Variants in LBR observed in about 807,000 individuals in gnomAD.
LBR encodes the protein delta(14)-sterol reductase LBR.
A neutral mutation model predicts 74.3 loss-of-function variants in LBR; 28 were observed. That is an observed-to-expected ratio of 0.38 (90% confidence interval 0.28 to 0.52). LBR has a LOEUF of 0.52. LBR is among the 20% of genes least tolerant of loss of function. The probability of loss-of-function intolerance (pLI) is 0.89; values close to 1 mark genes in which losing one functional copy is unlikely to be tolerated. For synonymous variants in LBR, 228 were observed against 269.3 expected (o/e 0.85, Z 1.50); for missense variants, 717 against 760.3 (o/e 0.94, Z 0.67).
chr1:225,411,304 A>G (rs1167285317), intron 9 of LBR, 33 bp downstream of exon 9: 1 of 1,460,504 alleles, frequency 6.8e-7, no homozygotes, highest in East Asian at 2.3e-5. Flanking sequence ...GACCTATTGA[A>G]TTGAAATTTA....
At chr1:225,414,066 C>A (rs2096111951) in intron 7 of LBR, 1 of 456,626 alleles carries the variant, frequency 2.2e-6, no homozygotes, top group Non-Finnish European at 4.4e-6. Flanking sequence ...GGTAAGTGAA[C>A]CACCAGAGGG....
chr1:225,411,522 A>G, intron 8 of LBR, 82 bp from the exon 9 acceptor site: 1 of 997,410 alleles, frequency 1.0e-6, no homozygotes, highest in Non-Finnish European at 1.6e-6. Flanking sequence ...CCCACTATCC[A>G]GGCTCACAAT....
chr1:225,420,847 A>G, intron 3 of LBR, among the ~76,000 whole-genome samples: 1 of 152,162 alleles, frequency 6.6e-6, no homozygotes, highest in East Asian at 1.9e-4. Context: ...TACTACTATA[A>G]ACTTTCTTGA....
chr1:225,424,405 C>T (rs548383946), intron 1 of LBR, among the ~76,000 whole-genome samples: 2 of 152,340 alleles, frequency 1.3e-5, no homozygotes, highest in Admixed American at 1.3e-4. Context: ...ACAAAGAACA[C>T]ATTTTCTCAT....
At position 225,428,003 on chromosome 1, in the gene LBR, A is replaced by C. The variant is rs555310582; in HGVS notation, c.-64T>G. 1 of 152,024 alleles carries C rather than the reference A, an allele frequency of 6.6e-6. No individual in the cohort carries two copies. Among genetic ancestry groups the C allele is most frequent in the Non-Finnish European group, 1.5e-5 (1 of 68,024 alleles). The allele number at this position is 152,024 out of a possible 1,614,324, so 9.4% of individuals were successfully genotyped here. ...CGGACGGCTCCCGGAGAATAGTCGC[A>C]CAGCAACCCGGCGGCAGATCCACGC... is the stretch of plus-strand genomic sequence containing the variant. On this transcript the variant is annotated 5_prime_UTR_variant, in exon 1 of 14. Coordinates refer to ENST00000272163, the MANE Select transcript of LBR (RefSeq NM_002296.4).
chr1:225,410,549 A>G, intron 9 of LBR, 133 bp from the exon 10 acceptor site: 1 of 873,200 alleles, frequency 1.1e-6, no homozygotes, highest in Non-Finnish European at 1.9e-6. Flanking sequence ...CACCAGGAAT[A>G]AGACATCTCA....
intron 10 of LBR, among the ~76,000 whole-genome samples, chr1:225,409,002 T>C (rs368954170): frequency 6.6e-6 from 1 of 152,248 alleles, no homozygotes; most frequent in Non-Finnish European, 1.5e-5. Context: ...CTGTGAAATA[T>C]CATTTGATTT....
At chr1:225,418,207 G>A (rs1267403634) in intron 5 of LBR, 27 bp from the exon 6 acceptor site, 4 of 1,596,972 alleles carry the variant, frequency 2.5e-6, no homozygotes, top group African/African-American at 1.3e-5. Context: ...AACATTCGAG[G>A]CTCAAATTTC....
chr1:225,412,758 T>A, intron 7 of LBR, 113 bp from the exon 8 acceptor site: 1 of 950,374 alleles, frequency 1.1e-6, no homozygotes, highest in Non-Finnish European at 1.6e-6. Context: ...TTAATTTCAT[T>A]ATTCAGACTA....
intron 8 of LBR, among the ~76,000 whole-genome samples, 157 bp from the exon 9 acceptor site, chr1:225,411,597 A>G (rs1054681213): frequency 3.9e-5 from 6 of 152,220 alleles, no homozygotes; most frequent in Non-Finnish European, 5.9e-5. Context: ...GGCACAGACG[A>G]GCGGAACCAG....
chr1:225,418,170 G>A lies in LBR; in HGVS notation c.651C>T (p.Leu217=). The change falls in exon 6 of 14, where the codon CTC becomes CTT. Residue 217 remains leucine, a synonymous_variant. Coordinates refer to ENST00000272163, the MANE Select transcript of LBR (RefSeq NM_002296.4). ...GGAACACAGGCAGGCCAAACATGAT[G>A]AGAAACACACCTGCAAACAATTCAT... is the stretch of plus-strand genomic sequence containing the variant. The part of the protein sequence containing the change: ...LEFGGVPGVF[L]IMFGLPVFLF... The A allele has an allele frequency of 2.5e-6, 4 of 1,613,576 alleles. No homozygotes were observed. Among genetic ancestry groups the A allele is most frequent in the Non-Finnish European group, 1.7e-6 (2 of 1,179,630 alleles).
chr1:225,417,935 T>A (rs765621041), intron 6 of LBR, 49 bp downstream of exon 6: 43 of 1,550,742 alleles, frequency 2.8e-5, no homozygotes, highest in Non-Finnish European at 3.8e-5. Flanking sequence ...CTGGACAATA[T>A]AGTGAGACCT....
At chr1:225,423,382 G>A (rs2096131894) in intron 2 of LBR, among the ~76,000 whole-genome samples, 1 of 152,098 alleles carries the variant, frequency 6.6e-6, no homozygotes, top group South Asian at 2.1e-4. Flanking sequence ...TCAGGATGAA[G>A]CCCAAACCCT....
chr1:225,419,524 C>A, intron 4 of LBR, 72 bp from the exon 5 acceptor site: 1 of 1,128,366 alleles, frequency 8.9e-7, no homozygotes, highest in South Asian at 1.3e-5. Flanking sequence ...TTAACTATTT[C>A]AGCATCTCAA....
chr1:225,412,711 G>A (rs2096108825), intron 7 of LBR, 66 bp from the exon 8 acceptor site: 13 of 1,375,300 alleles, frequency 9.5e-6, no homozygotes, highest in African/African-American at 1.5e-5. Context: ...TGAAACTTAC[G>A]CCACTATGAA....
rs1257742706 is a variant in LBR at position 225,402,681 on chromosome 1, A to G, written c.*622T>C. On this transcript the variant is annotated 3_prime_UTR_variant, in exon 14 of 14. Transcript: ENST00000272163. ...CTGAAGTCACCATATATTACAAAAA[A>G]CTAAGCTATGTATTTACATTTTCAA... The G allele has an allele frequency of 1.3e-5, 2 of 152,684 alleles. No individual in the cohort carries two copies. Among genetic ancestry groups the G allele is most frequent in the East Asian group, 3.8e-4 (2 of 5,202 alleles). 9.5% of individuals were successfully genotyped at this position (152,684 alleles called of 1,614,324 possible).
rs534522882 is a variant in LBR, at chr1:225,410,367, C to T, written c.1238G>A (p.Arg413His). 11 of 1,614,136 alleles carry T rather than the reference C, an allele frequency of 6.8e-6. No individual in the cohort carries two copies. Among genetic ancestry groups the T allele is most frequent in the Admixed American group, 3.3e-5 (2 of 60,024 alleles). Residue 413 changes from arginine (R) to histidine (H), a missense_variant, in exon 10 of 14, where the codon CGC becomes CAC. Transcript: ENST00000272163. ...MLLAEMKIQD[R>H]AVPSLAMILV... ...AATCATGGCCAAGGATGGAACAGCG[C>T]GGTCCTGTATTTTCATTTCAGCCAA... is the stretch of plus-strand genomic sequence containing the variant.
At chr1:225,406,235 T>C (rs2096091270) in intron 11 of LBR, among the ~76,000 whole-genome samples, 1 of 152,184 alleles carries the variant, frequency 6.6e-6, no homozygotes, top group African/African-American at 2.4e-5. Context: ...ACACCCGTCA[T>C]CTAAGCCCCT....
intron 8 of LBR, 134 bp downstream of exon 8, chr1:225,412,320 T>C: frequency 1.3e-6 from 1 of 786,604 alleles, no homozygotes; most frequent in Non-Finnish European, 2.1e-6. Context: ...TTTTTCTTCA[T>C]CTTTTCATTT....
Sources: gnomAD v4.1 joint callset for allele counts (sites outside exome capture counted in the v4.1 genomes callset) on GRCh38, gnomAD v4.1.1 for gene constraint, MANE v1.5 for transcripts, NCBI Gene and HGNC (gene_info 2026-07-23, HGNC 2026-07-21) for gene names.